NAALADL2: variants seen among roughly 807,000 people sequenced by gnomAD.
The protein encoded by NAALADL2 is inactive N-acetylated-alpha-linked acidic dipeptidase-like protein 2.
Under a neutral mutation model 87.2 loss-of-function variants are expected in NAALADL2, and 76 were observed. The observed-to-expected ratio is 0.87, with a 90% CI of 0.72 to 1.05. The LOEUF is 1.05. NAALADL2 is among the 50% of genes least tolerant of loss of function. The pLI is 0.00. For synonymous variants in NAALADL2, 354 were observed against 331.0 expected (o/e 1.07, Z -0.75); for missense variants, 1,089 against 945.8 (o/e 1.15, Z -1.99).
At chr3:175,354,227 G>T (rs1229079627) in intron 5 of NAALADL2, among the ~76,000 whole-genome samples, 1 of 152,102 alleles carries the variant, frequency 6.6e-6, no homozygotes, top group East Asian at 1.9e-4. Context: ...ACACTTCAGG[G>T]TAAGAAAGAA....
intron 2 of NAALADL2, among the ~76,000 whole-genome samples, chr3:175,215,427 A>G (rs1042586205): frequency 6.6e-6 from 1 of 152,090 alleles, no homozygotes; most frequent in African/African-American, 2.4e-5. Flanking sequence ...GGAGCTGAAG[A>G]CCTGCCCAAG....
intron 4 of NAALADL2, among the ~76,000 whole-genome samples, chr3:175,261,888 A>C (rs1751104102): frequency 6.6e-6 from 1 of 152,122 alleles, no homozygotes; most frequent in Non-Finnish European, 1.5e-5. Context: ...GCACTGCTTA[A>C]GTCCATAAAG....
At chr3:175,504,252 G>T (rs1341823154) in intron 9 of NAALADL2, among the ~76,000 whole-genome samples, 1 of 152,138 alleles carries the variant, frequency 6.6e-6, no homozygotes, top group Non-Finnish European at 1.5e-5. Context: ...TTTGACTTTT[G>T]TCAAAGAGGG....
intron 2 of NAALADL2, among the ~76,000 whole-genome samples, chr3:174,613,272 C>G (rs910902260): frequency 2.6e-5 from 4 of 152,170 alleles, no homozygotes; most frequent in Non-Finnish European, 5.9e-5. Context: ...TTGCCCAAGG[C>G]CTGCTGAAAG....
rs3040495 is a variant in NAALADL2, at chr3:175,475,024, T to TACACACACACACACACACAC, written c.1653+3271_1653+3290dup. ...ATTCTTTCATGCACAAACATTTAAG[T>TACACACACACACACACACAC]ACACACACACACACACACACACACT... On this transcript the variant is annotated intron_variant, in intron 9 of 13. Coordinates refer to ENST00000454872, the MANE Select transcript of NAALADL2 (RefSeq NM_207015.3). Among the ~76,000 whole-genome samples the TACACACACACACACACACAC allele has an allele frequency of 1.2e-3, 175 of 149,716 alleles. No individual in the cohort carries two copies. In the East Asian group the frequency reaches 0.022, roughly 19 times the overall value.
chr3:175,277,953 A>G (rs536045250), intron 4 of NAALADL2, among the ~76,000 whole-genome samples: 1 of 152,270 alleles, frequency 6.6e-6, no homozygotes, highest in African/African-American at 2.4e-5. Flanking sequence ...AATGCTGCAT[A>G]GTCCCCTTTT....
At chr3:175,223,616 A>G (rs777963059) in intron 2 of NAALADL2, among the ~76,000 whole-genome samples, 2 of 152,156 alleles carry the variant, frequency 1.3e-5, no homozygotes, top group Non-Finnish European at 2.9e-5. Flanking sequence ...CTTCTTTGAG[A>G]TAAAGATATA....
intron 1 of NAALADL2, among the ~76,000 whole-genome samples, chr3:175,085,204 G>A (rs570324411): frequency 3.3e-5 from 5 of 152,134 alleles, no homozygotes; most frequent in African/African-American, 7.2e-5. Flanking sequence ...TTGCATGATT[G>A]AGGGCAAGTT....
intron 5 of NAALADL2, among the ~76,000 whole-genome samples, chr3:175,412,035 A>T (rs1015085851): frequency 8.5e-5 from 13 of 152,192 alleles, no homozygotes; most frequent in African/African-American, 3.1e-4. Context: ...CTAAATGCCC[A>T]AGGCTCTGCC....
At chr3:175,480,893 T>G (rs974001685) in intron 9 of NAALADL2, among the ~76,000 whole-genome samples, 2 of 151,914 alleles carry the variant, frequency 1.3e-5, no homozygotes. Flanking sequence ...ATAGCTCCTT[T>G]TATTATCTTA....
chr3:175,148,331 T>C (rs1731075598), intron 2 of NAALADL2, among the ~76,000 whole-genome samples: 1 of 151,986 alleles, frequency 6.6e-6, no homozygotes, highest in African/African-American at 2.4e-5. Context: ...TTATAGACTC[T>C]GGATATTAGA....
chr3:175,699,582 C>A (rs987890718), intron 11 of NAALADL2, among the ~76,000 whole-genome samples: 3 of 152,002 alleles, frequency 2.0e-5, no homozygotes, highest in African/African-American at 7.2e-5. Flanking sequence ...AAATTCACTT[C>A]TCCGATTATT....
chr3:175,327,966 G>A (rs1222155842), intron 5 of NAALADL2, among the ~76,000 whole-genome samples: 1 of 152,202 alleles, frequency 6.6e-6, no homozygotes, highest in Non-Finnish European at 1.5e-5. Context: ...TAAATCAAAA[G>A]GATGGATTAG....
At chr3:175,739,088 CA>C (rs1744910795) in intron 12 of NAALADL2, among the ~76,000 whole-genome samples, 1 of 151,926 alleles carries the variant, frequency 6.6e-6, no homozygotes, top group African/African-American at 2.4e-5. Flanking sequence ...CATCTAAAAG[CA>C]ATAACTATCA....
At chr3:175,637,112 G>T (rs1362502561) in intron 11 of NAALADL2, among the ~76,000 whole-genome samples, 1 of 152,220 alleles carries the variant, frequency 6.6e-6, no homozygotes, top group Non-Finnish European at 1.5e-5. Flanking sequence ...AATTGCCAAT[G>T]TAATGAAATA....
At chr3:175,041,401 ATCT>A (rs1754061729) in intron 1 of NAALADL2, among the ~76,000 whole-genome samples, 1 of 152,286 alleles carries the variant, frequency 6.6e-6, no homozygotes, top group South Asian at 2.1e-4. Flanking sequence ...ACCCTCTGTC[ATCT>A]TCTTTAAACA....
chr3:175,467,313 T>A (rs16825752), intron 8 of NAALADL2, 129 bp downstream of exon 8: 58,838 of 681,118 alleles, frequency 0.086, 3,355 homozygotes, highest in African/African-American at 0.24. Flanking sequence ...CCTAATTTGC[T>A]GAGATGGCTT....
chr3:175,360,888 CT>C lies in NAALADL2; in HGVS notation c.1090+36566del, dbSNP rs570720785. 1.3e-4 allele frequency among the ~76,000 whole-genome samples: 18 copies of C among 141,708 alleles called. No homozygotes were observed. The East Asian group carries it at 2.7e-3, about 21-fold the overall frequency. The allele number at this position is 141,708 out of a possible 152,430, so 93.0% of individuals were successfully genotyped here. ...TTTTTTTTTAATTTTTTTTATTATC[CT>C]TTAAGTTCTAGGGTACATGTGTACA... On this transcript the variant is annotated intron_variant, in intron 5 of 13. Transcript: ENST00000454872.
At chr3:175,111,125 C>G (rs1403098380) in intron 2 of NAALADL2, among the ~76,000 whole-genome samples, 2 of 151,682 alleles carry the variant, frequency 1.3e-5, no homozygotes, top group Admixed American at 1.3e-4. Context: ...TCTGAGAGGT[C>G]ACCTCCCATA....
Sources: allele counts gnomAD v4.1 joint callset (sites outside exome capture counted in the v4.1 genomes callset), GRCh38; gene constraint gnomAD v4.1.1; transcripts MANE v1.5; gene names NCBI Gene and HGNC (gene_info 2026-07-23, HGNC 2026-07-21).